Variants in CNR2 observed in about 807,000 individuals in gnomAD.
CNR2 encodes cannabinoid receptor 2, also known as cannabinoid receptor 2 (macrophage).
For synonymous variants in CNR2, 172 were observed against 182.2 expected (o/e 0.94, Z 0.45); for missense variants, 379 against 439.9 (o/e 0.86, Z 1.24).
In CNR2 at chr1:23,873,517, T is replaced by G. The variant is rs1043297002; in HGVS notation, c.*1018A>C. On this transcript the variant is annotated 3_prime_UTR_variant, in exon 2 of 2. Transcript: ENST00000374472. ...TCCCAAAGTGCTGGGATTACAGGCATGAGCTACCATGCCTGGCCCCTGAGA... is the reference window on the plus strand; with the variant it reads ...TCCCAAAGTGCTGGGATTACAGGCAGGAGCTACCATGCCTGGCCCCTGAGA... 2 of 152,272 alleles carry G rather than the reference T, an allele frequency of 1.3e-5. No individual in the cohort carries two copies. The highest frequency in any genetic ancestry group is 4.8e-5 in the African/African-American group (2 of 41,454). 9.4% of individuals were successfully genotyped at this position (152,272 alleles called of 1,614,324 possible). A position where few individuals can be genotyped will look rare whatever the true frequency, so the allele number is the denominator to read the frequency against.
chr1:23,897,585 C>T (rs1021303827), intron 1 of CNR2, among the ~76,000 whole-genome samples: 1 of 151,442 alleles, frequency 6.6e-6, no homozygotes, highest in Admixed American at 6.6e-5. Context: ...AGCAATTCTT[C>T]CACCTCAGCC....
At chr1:23,906,477 A>G (rs149228847) in intron 1 of CNR2, among the ~76,000 whole-genome samples, 2 of 152,000 alleles carry the variant, frequency 1.3e-5, no homozygotes, top group East Asian at 1.9e-4. Flanking sequence ...ACTATTTACA[A>G]TAAGTGTATT....
rs116628442 is a variant in CNR2, at chr1:23,880,926, T to C, written c.-45-5264A>G. 8.5e-3 allele frequency among the ~76,000 whole-genome samples: 1,277 copies of C among 150,120 alleles called. 11 individuals carry two copies. The highest frequency in any genetic ancestry group is 0.026 in the African/African-American group (1,089 of 41,260). On this transcript the variant is annotated intron_variant, in intron 1 of 1. Coordinates refer to ENST00000374472, the MANE Select transcript of CNR2 (RefSeq NM_001841.3). The stretch of plus-strand genomic sequence containing the variant: ...AAATATAATTATAAATATAAATTAA[T>C]ATAAAATGATCTGTTGTATAAAATT...
intron 1 of CNR2, among the ~76,000 whole-genome samples, chr1:23,896,755 G>A (rs3003623): frequency 0.82 from 124,132 of 151,808 alleles, 50,850 homozygotes; most frequent in Admixed American, 0.84. Context: ...CTAGCTTGCC[G>A]TCATGACGAG....
intron 1 of CNR2, among the ~76,000 whole-genome samples, chr1:23,877,670 G>A (rs1639910349): frequency 6.6e-6 from 1 of 151,196 alleles, no homozygotes; most frequent in Non-Finnish European, 1.5e-5. Context: ...AAAAAAGAAA[G>A]TAGATCTGGG....
intron 1 of CNR2, among the ~76,000 whole-genome samples, chr1:23,881,220 G>A (rs567855243): frequency 1.3e-5 from 2 of 151,982 alleles, no homozygotes; most frequent in East Asian, 2.0e-4. Flanking sequence ...AGTTTGCAGT[G>A]AGCCAAAATC....
intron 1 of CNR2, among the ~76,000 whole-genome samples, chr1:23,878,985 A>C (rs952252532): frequency 6.6e-5 from 10 of 152,240 alleles, no homozygotes; most frequent in African/African-American, 2.4e-4. Flanking sequence ...AAGAATGTGC[A>C]TTTTAGAAGG....
intron 1 of CNR2, among the ~76,000 whole-genome samples, chr1:23,886,053 T>C (rs1181935352): frequency 3.3e-5 from 5 of 150,246 alleles, no homozygotes; most frequent in African/African-American, 1.2e-4. Flanking sequence ...CTGGGTGTGG[T>C]GGCGCACACC....
intron 1 of CNR2, among the ~76,000 whole-genome samples, chr1:23,903,505 T>C (rs1640437784): frequency 6.6e-6 from 1 of 150,642 alleles, no homozygotes; most frequent in African/African-American, 2.5e-5. Flanking sequence ...GCCCAGGTGG[T>C]TGAAGCTACA....
At chr1:23,900,229 T>G (rs1025262776) in intron 1 of CNR2, among the ~76,000 whole-genome samples, 2 of 152,024 alleles carry the variant, frequency 1.3e-5, no homozygotes, top group African/African-American at 4.8e-5. Flanking sequence ...CCCTGGCCAA[T>G]CAGCACTCCT....
intron 1 of CNR2, among the ~76,000 whole-genome samples, chr1:23,895,610 G>A (rs1182351508): frequency 6.6e-6 from 1 of 152,116 alleles, no homozygotes; most frequent in Non-Finnish European, 1.5e-5. Context: ...GGGTTCAAGA[G>A]ATTCTCCTCC....
Position 23,899,770 on chromosome 1 carries a change from C to T in CNR2, c.-46+13476G>A, listed in dbSNP as rs1303540837. The stretch of plus-strand genomic sequence containing the variant: ...TGGAGGGTGCAGTGAGCTGAGATTG[C>T]GTCACTGCACTCCAGCCTGGGCGAC... On this transcript the variant is annotated intron_variant, in intron 1 of 1. Transcript: ENST00000374472. 3.3e-5 allele frequency among the ~76,000 whole-genome samples: 2 copies of T among 60,500 alleles called. 1 individual carries two copies. The highest frequency in any genetic ancestry group is 1.2e-4 in the African/African-American group (2 of 16,152). The allele number at this position is 60,500 out of a possible 152,430, so 39.7% of individuals were successfully genotyped here.
intron 1 of CNR2, among the ~76,000 whole-genome samples, chr1:23,906,579 G>A (rs1467513857): frequency 6.5e-5 from 8 of 123,480 alleles, no homozygotes; most frequent in Admixed American, 3.0e-4. Context: ...GTTTTGCCAC[G>A]TTGCCCACGT....
chr1:23,886,878 A>G (rs780397263), intron 1 of CNR2, among the ~76,000 whole-genome samples: 1 of 145,928 alleles, frequency 6.9e-6, no homozygotes, highest in Non-Finnish European at 1.5e-5. Flanking sequence ...GGAGACAGAC[A>G]CCCTTTGCGG....
intron 1 of CNR2, among the ~76,000 whole-genome samples, chr1:23,890,883 T>TC (rs1435218884): frequency 6.8e-6 from 1 of 147,980 alleles, no homozygotes; most frequent in Non-Finnish European, 1.5e-5. Flanking sequence ...TTCTTCTTCT[T>TC]TTTTTTTTTT....
intron 1 of CNR2, among the ~76,000 whole-genome samples, chr1:23,908,283 A>G (rs1403520998): frequency 6.6e-6 from 1 of 151,904 alleles, no homozygotes. Flanking sequence ...CTGGCCAACT[A>G]TCGCTTTTTA....
intron 1 of CNR2, among the ~76,000 whole-genome samples, chr1:23,883,658 C>G (rs1331286665): frequency 6.6e-6 from 1 of 152,102 alleles, no homozygotes; most frequent in Non-Finnish European, 1.5e-5. Context: ...AACCCTGTCT[C>G]TACTAAAATA....
Position 23,875,222 on chromosome 1 carries a change from G to T in CNR2, c.396C>A (p.Tyr132Ter), listed in dbSNP as rs199785089. ...AGGAAGGTGGATAGCGCAGGCAGAG[G>T]TATCGGTCAATGGCGGTCAGCAGGA... ...GSLLLTAIDR[Y>*]LCLRYPPSYK... is the part of the protein sequence containing the mutation. The change falls in exon 2 of 2, where the codon TAC becomes TAA. Residue 132 changes from tyrosine (Y) to a stop codon, truncating the protein, a stop_gained. Coordinates refer to ENST00000374472, the MANE Select transcript of CNR2 (RefSeq NM_001841.3). LOFTEE classifies it high-confidence loss of function. The T allele has an allele frequency of 8.1e-6, 13 of 1,614,172 alleles. No individual in the cohort carries two copies. The highest frequency in any genetic ancestry group is 1.7e-4 in the Middle Eastern group (1 of 6,060).
intron 1 of CNR2, among the ~76,000 whole-genome samples, chr1:23,892,878 T>C (rs1640212564): frequency 6.6e-6 from 1 of 151,550 alleles, no homozygotes; most frequent in Non-Finnish European, 1.5e-5. Flanking sequence ...TAGCCAGGAG[T>C]AGTGGTGGGT....
Sources: gnomAD v4.1 joint callset for allele counts (sites outside exome capture counted in the v4.1 genomes callset) on GRCh38, gnomAD v4.1.1 for gene constraint, MANE v1.5 for transcripts, NCBI Gene and HGNC (gene_info 2026-07-23, HGNC 2026-07-21) for gene names.